The following BRIP1 variants were observed in gnomAD, a reference collection of about 807,000 sequenced individuals.
The protein encoded by BRIP1 is Fanconi anemia group J protein.
In BRIP1, 88 loss-of-function variants were observed where a neutral mutation model predicts 119.7. The observed-to-expected ratio is 0.74, with a 90% CI of 0.62 to 0.88. The LOEUF (loss-of-function observed/expected upper bound fraction) is 0.88. Ranked by LOEUF, BRIP1 falls within the 40% of genes least tolerant of loss-of-function variation. BRIP1 has a pLI of 0.00. For synonymous variants in BRIP1, 443 were observed against 496.5 expected (o/e 0.89, Z 1.43); for missense variants, 1,259 against 1,455.4 (o/e 0.87, Z 2.20).
In BRIP1 at chr17:61,717,062, A is replaced by T. The variant is rs1475511563; in HGVS notation, c.2380-999T>A. 6.6e-6 allele frequency among the ~76,000 whole-genome samples: 1 copy of T among 152,036 alleles called. No homozygotes were observed. Among genetic ancestry groups the T allele is most frequent in the Admixed American group, 6.5e-5 (1 of 15,276 alleles). ...TTGATTATGCTTTAAACAGTACATT[A>T]TCTTTTAATTTTAAATAAGTTTATA... On this transcript the variant is annotated intron_variant, in intron 16 of 19. Transcript: ENST00000259008. This position sits in a 1 kb window ranked among gnomAD's most constrained non-coding sequence, Gnocchi z 4.1.
At chr17:61,732,630 A>C (rs1455835824) in intron 16 of BRIP1, among the ~76,000 whole-genome samples, 3 of 152,178 alleles carry the variant, frequency 2.0e-5, no homozygotes, top group Admixed American at 2.0e-4. Context: ...TGTACAAATT[A>C]AGCTCTTAAA....
rs184242785 is a variant in BRIP1 at position 61,798,855 on chromosome 17, T to C, written c.1340+245A>G. ...CACATCCTTCGGGGCTATTATGTTA[T>C]CCTGCCAAATTAGGAATAAGATTCA... On this transcript the variant is annotated intron_variant, in intron 9 of 19. Coordinates refer to ENST00000259008, the MANE Select transcript of BRIP1 (RefSeq NM_032043.3). The surrounding 1 kb of genome is among the most constrained non-coding windows in gnomAD (Gnocchi z 5.5). 6.6e-6 allele frequency among the ~76,000 whole-genome samples: 1 copy of C among 152,226 alleles called. No individual in the cohort carries two copies. Among genetic ancestry groups the C allele is most frequent in the East Asian group, 1.9e-4 (1 of 5,178 alleles).
Position 61,804,366 on chromosome 17 carries a change from T to C in BRIP1, c.919-2892A>G, listed in dbSNP as rs1298886445. On this transcript the variant is annotated intron_variant, in intron 7 of 19. Coordinates refer to ENST00000259008, the MANE Select transcript of BRIP1 (RefSeq NM_032043.3). The surrounding 1 kb of genome is among the most constrained non-coding windows in gnomAD (Gnocchi z 4.5). Reference sequence around the variant, plus strand: ...AAAAAACAACCATACATAAAATATATAAATTATATCAGGGATAAAAGACTT... The same window carrying C: ...AAAAAACAACCATACATAAAATATACAAATTATATCAGGGATAAAAGACTT... Among the ~76,000 whole-genome samples the C allele has an allele frequency of 6.6e-6, 1 of 151,986 alleles. No homozygotes were observed. The highest frequency in any genetic ancestry group is 1.5e-5 in the Non-Finnish European group (1 of 68,000).
Position 61,798,700 on chromosome 17 carries a change from GATTA to G in BRIP1, c.1340+396_1340+399del, listed in dbSNP as rs1322943467. Among the ~76,000 whole-genome samples the G allele has an allele frequency of 6.6e-6, 1 of 151,840 alleles. No individual in the cohort carries two copies. The highest frequency in any genetic ancestry group is 1.9e-4 in the East Asian group (1 of 5,190). On this transcript the variant is annotated intron_variant, in intron 9 of 19. Coordinates refer to ENST00000259008, the MANE Select transcript of BRIP1 (RefSeq NM_032043.3). The surrounding 1 kb of genome is among the most constrained non-coding windows in gnomAD (Gnocchi z 5.5). ...TATTATTTTAGAGTACTGAAATCTT[GATTA>G]ATTAAAACCCATGAAACTAGAATCC...
rs1273891559 is a variant in BRIP1 at position 61,828,843 on chromosome 17, G to C, written c.627+18258C>G. On this transcript the variant is annotated intron_variant, in intron 6 of 19. Transcript: ENST00000259008. The surrounding 1 kb of genome is among the most constrained non-coding windows in gnomAD (Gnocchi z 4.1). ...TTTGACAAAAATGGCACAAAACATG[G>C]GAGAGTAGACACGGAAGTATATTGG... Among the ~76,000 whole-genome samples the C allele has an allele frequency of 6.6e-6, 1 of 152,088 alleles. No homozygotes were observed. The highest frequency in any genetic ancestry group is 2.4e-5 in the African/African-American group (1 of 41,412).
chr17:61,716,832 A>AAATAATATGCTTCCATAT (rs1555581245), intron 16 of BRIP1, among the ~76,000 whole-genome samples: 1 of 151,218 alleles, frequency 6.6e-6, no homozygotes, highest in Non-Finnish European at 1.5e-5. Context: ...CCACTACTGG[A>AAATAATATGCTTCCATAT]TTATTAGCTA....
Position 61,684,765 on chromosome 17 carries a change from T to C in BRIP1, c.2906-625A>G, listed in dbSNP as rs2061335810. On this transcript the variant is annotated intron_variant, in intron 19 of 19. Transcript: ENST00000259008. The surrounding 1 kb of genome is among the most constrained non-coding windows in gnomAD (Gnocchi z 4.5). ...CATGTTTAAAAATTGATGTTTTTCTTTTTTTTAGTCCGAGTTTTGCTTTTG... is the reference window on the plus strand; with the variant it reads ...CATGTTTAAAAATTGATGTTTTTCTCTTTTTTAGTCCGAGTTTTGCTTTTG... 6.6e-6 allele frequency: 1 copy of C among 152,082 alleles called. No individual in the cohort carries two copies. The highest frequency in any genetic ancestry group is 1.5e-5 in the Non-Finnish European group (1 of 68,050). The allele number at this position is 152,082 out of a possible 1,614,324, so 9.4% of individuals were successfully genotyped here. A position where few individuals can be genotyped will look rare whatever the true frequency, so the allele number is the denominator to read the frequency against.
At chr17:61,787,056 TTATAAA>T (rs2077730201) in intron 10 of BRIP1, among the ~76,000 whole-genome samples, 1 of 115,894 alleles carries the variant, frequency 8.6e-6, no homozygotes, top group Non-Finnish European at 1.6e-5. Context: ...TTATATAAAT[TTATAAA>T]TATAATTATA....
At chr17:61,715,201 CAATAAT>C (rs576020293) in intron 17 of BRIP1, among the ~76,000 whole-genome samples, 43 of 149,802 alleles carry the variant, frequency 2.9e-4, no homozygotes, top group African/African-American at 1.0e-3. Flanking sequence ...CTGTCTAAAA[CAATAAT>C]AATAATAATA....
At chr17:61,707,789 T>C (rs2061714216) in intron 17 of BRIP1, among the ~76,000 whole-genome samples, 2 of 152,126 alleles carry the variant, frequency 1.3e-5, no homozygotes, top group South Asian at 4.1e-4. Context: ...CTATAGTGCC[T>C]ACAAAAATAG....
rs2076901247 is a variant in BRIP1, at chr17:61,735,241, G to GATA, written c.2379+7771_2379+7772insTAT. Among the ~76,000 whole-genome samples, 1 of 152,170 alleles carries GATA rather than the reference G, an allele frequency of 6.6e-6. No individual in the cohort carries two copies. Among genetic ancestry groups the GATA allele is most frequent in the African/African-American group, 2.4e-5 (1 of 41,450 alleles). On this transcript the variant is annotated intron_variant, in intron 16 of 19. Transcript: ENST00000259008. The surrounding 1 kb of genome is among the most constrained non-coding windows in gnomAD (Gnocchi z 4.4). ...ACCAGTGATTTGCTTCTAGCCAACA[G>GATA]AATATGGAAAGGGTTCTGGGATAGT...
In BRIP1 at chr17:61,704,328, T is replaced by A. The variant is rs2144285036; in HGVS notation, c.2493-10816A>T. Among the ~76,000 whole-genome samples, 1 of 152,294 alleles carries A rather than the reference T, an allele frequency of 6.6e-6. No homozygotes were observed. Among genetic ancestry groups the A allele is most frequent in the Non-Finnish European group, 1.5e-5 (1 of 68,028 alleles). ...AATTGGGAAGGATTGCATCTTCTGT[T>A]TTTTAGAAGAGATTATGTAAAATTT... is the stretch of plus-strand genomic sequence containing the variant. On this transcript the variant is annotated intron_variant, in intron 17 of 19. Coordinates refer to ENST00000259008, the MANE Select transcript of BRIP1 (RefSeq NM_032043.3). The surrounding 1 kb of genome is among the most constrained non-coding windows in gnomAD (Gnocchi z 5.7).
chr17:61,752,275 A>C lies in BRIP1; in HGVS notation c.2098-7684T>G, dbSNP rs562059119. 1.3e-5 allele frequency among the ~76,000 whole-genome samples: 2 copies of C among 152,312 alleles called. No individual in the cohort carries two copies. The highest frequency in any genetic ancestry group is 4.8e-5 in the African/African-American group (2 of 41,584). ...TTAGAGGAGGGGTTATAACAGGTAC[A>C]TTTAGGCTACTAATATAGTAATCCA... On this transcript the variant is annotated intron_variant, in intron 14 of 19. Transcript: ENST00000259008. The surrounding 1 kb of genome is among the most constrained non-coding windows in gnomAD (Gnocchi z 6.2).
intron 10 of BRIP1, among the ~76,000 whole-genome samples, chr17:61,787,218 TTA>T (rs1309781576): frequency 3.1e-5 from 2 of 63,650 alleles, no homozygotes; most frequent in African/African-American, 1.7e-4. Context: ...TAAAAATATA[TTA>T]TATACTATAT....
chr17:61,815,916 G>A lies in BRIP1; in HGVS notation c.628-7159C>T, dbSNP rs1435100679. On this transcript the variant is annotated intron_variant, in intron 6 of 19. Transcript: ENST00000259008. This position sits in a 1 kb window ranked among gnomAD's most constrained non-coding sequence, Gnocchi z 4.1. ...GCTGTTGTCCAAGCCATCTAAACAG[G>A]TACTGAATGCCCGTTGTGCAAAATC... Among the ~76,000 whole-genome samples the A allele has an allele frequency of 6.6e-6, 1 of 152,106 alleles. No individual in the cohort carries two copies. Among genetic ancestry groups the A allele is most frequent in the African/African-American group, 2.4e-5 (1 of 41,390 alleles).
At chr17:61,811,294 G>A (rs1168939653) in intron 6 of BRIP1, among the ~76,000 whole-genome samples, 5 of 151,758 alleles carry the variant, frequency 3.3e-5, no homozygotes, top group Admixed American at 2.6e-4. Context: ...GCATGATCTC[G>A]GCTTACCACA....
chr17:61,787,906 AG>A (rs1350332444), intron 10 of BRIP1, among the ~76,000 whole-genome samples: 1 of 152,180 alleles, frequency 6.6e-6, no homozygotes, highest in Non-Finnish European at 1.5e-5. Context: ...GGCCTCCCAA[AG>A]TGCTGGGATT....
rs2078667789 is a variant in BRIP1, at chr17:61,842,193, G to A, written c.627+4908C>T. 6.6e-6 allele frequency among the ~76,000 whole-genome samples: 1 copy of A among 152,082 alleles called. No individual in the cohort carries two copies. The highest frequency in any genetic ancestry group is 1.5e-5 in the Non-Finnish European group (1 of 68,020). The stretch of plus-strand genomic sequence containing the variant: ...AAATAAGTCAGGCATAGGCAGGTAA[G>A]TACTGTATGTTCTTACTCATATGTA... On this transcript the variant is annotated intron_variant, in intron 6 of 19. Coordinates refer to ENST00000259008, the MANE Select transcript of BRIP1 (RefSeq NM_032043.3). The surrounding 1 kb of genome is among the most constrained non-coding windows in gnomAD (Gnocchi z 5.1).
rs1012817923 is a variant in BRIP1 at position 61,834,747 on chromosome 17, C to A, written c.627+12354G>T. On this transcript the variant is annotated intron_variant, in intron 6 of 19. Transcript: ENST00000259008. This position sits in a 1 kb window ranked among gnomAD's most constrained non-coding sequence, Gnocchi z 4.4. ...ACCATATACATAAACCAGAATTAGC[C>A]TGCTAGATGATGAGAGAGACCCACC... Among the ~76,000 whole-genome samples the A allele has an allele frequency of 6.6e-6, 1 of 152,134 alleles. No individual in the cohort carries two copies. Among genetic ancestry groups the A allele is most frequent in the Non-Finnish European group, 1.5e-5 (1 of 68,022 alleles).
Sources: allele counts gnomAD v4.1 joint callset (sites outside exome capture counted in the v4.1 genomes callset), GRCh38; gene constraint gnomAD v4.1.1; non-coding constraint Gnocchi (gnomAD v3.1); transcripts MANE v1.5; gene names NCBI Gene and HGNC (gene_info 2026-07-23, HGNC 2026-07-21).